Variants in SLCO1B3 observed in about 807,000 individuals in gnomAD.
SLCO1B3 encodes the protein liver-specific organic anion transporter 2.
SLCO1B3 carries 72 observed loss-of-function variants against 71.8 expected under a neutral mutation model. That is an observed-to-expected ratio of 1.00 (90% CI 0.83 to 1.22). The LOEUF (loss-of-function observed/expected upper bound fraction) is 1.22. Among genes scored for constraint, SLCO1B3 ranks in the 50% most tolerant of loss-of-function variants. The pLI, the probability that SLCO1B3 is intolerant of heterozygous loss-of-function variation, is 0.00. For missense variants in SLCO1B3, 911 were observed against 819.7 expected (o/e 1.11, Z -1.36); for synonymous variants, 298 against 278.4 (o/e 1.07, Z -0.70).
At chr12:20,851,084 A>C (rs1865019294) in intron 3 of SLCO1B3, among the ~76,000 whole-genome samples, 1 of 152,136 alleles carries the variant, frequency 6.6e-6, no homozygotes, top group African/African-American at 2.4e-5. Flanking sequence ...TGAACATTTT[A>C]GTTGCTTCTA....
At chr12:20,827,286 T>C (rs1219675066) in intron 3 of SLCO1B3, among the ~76,000 whole-genome samples, 1 of 152,234 alleles carries the variant, frequency 6.6e-6, no homozygotes, top group African/African-American at 2.4e-5. Flanking sequence ...TTTCTAATTT[T>C]ATTTTACCAG....
intron 8 of SLCO1B3, among the ~76,000 whole-genome samples, chr12:20,868,548 T>C (rs188754958): frequency 4.2e-4 from 64 of 152,332 alleles, no homozygotes; most frequent in African/African-American, 1.5e-3. Context: ...GTTTGACTCT[T>C]TTGTATGCCT....
intron 8 of SLCO1B3, among the ~76,000 whole-genome samples, chr12:20,873,768 C>T (rs796094549): frequency 1.7e-4 from 26 of 152,222 alleles, no homozygotes; most frequent in African/African-American, 5.5e-4. Context: ...CCTCCTTCTG[C>T]CCCCATGACA....
intron 3 of SLCO1B3, among the ~76,000 whole-genome samples, chr12:20,820,941 T>G (rs879101382): frequency 2.0e-5 from 3 of 152,028 alleles, no homozygotes; most frequent in Admixed American, 1.3e-4. Context: ...GGGGTAGTCA[T>G]GGAACAAAAC....
chr12:20,871,306 C>A (rs957497182), intron 8 of SLCO1B3, among the ~76,000 whole-genome samples: 2 of 152,002 alleles, frequency 1.3e-5, no homozygotes, highest in Non-Finnish European at 2.9e-5. Flanking sequence ...TTCTGAATTC[C>A]TTCTCTGTGT....
rs375375061 is a variant in SLCO1B3, at chr12:20,862,062, G to A, written c.482-350G>A. ...ATATAGAAGAACTCTTGACAACATG[G>A]GGAAATTGTGACAATATAGTGATAA... On this transcript the variant is annotated intron_variant, in intron 6 of 15. Transcript: ENST00000381545. Among the ~76,000 whole-genome samples the A allele has an allele frequency of 8.2e-4, 124 of 152,134 alleles. 2 individuals carry two copies. The South Asian group carries it at 0.025, about 30-fold the overall frequency.
chr12:20,904,110 G>A (rs1046475813), intron 15 of SLCO1B3, among the ~76,000 whole-genome samples: 1 of 151,720 alleles, frequency 6.6e-6, no homozygotes, highest in African/African-American at 2.4e-5. Flanking sequence ...CATTGTAGTG[G>A]GTGCCTGTAG....
chr12:20,896,751 C>T (rs2417889), intron 13 of SLCO1B3, among the ~76,000 whole-genome samples: 20,943 of 152,094 alleles, frequency 0.14, 1,540 homozygotes, highest in Middle Eastern at 0.23. Context: ...CCCACTCTAC[C>T]GGTACCAATT....
At chr12:20,849,866 A>G (rs1014017925) in intron 3 of SLCO1B3, among the ~76,000 whole-genome samples, 12 of 152,084 alleles carry the variant, frequency 7.9e-5, no homozygotes, top group African/African-American at 2.9e-4. Flanking sequence ...AGGTTAAAAA[A>G]AATCACACAC....
At chr12:20,836,568 A>C (rs1565583325) in intron 3 of SLCO1B3, among the ~76,000 whole-genome samples, 1 of 152,216 alleles carries the variant, frequency 6.6e-6, no homozygotes, top group Non-Finnish European at 1.5e-5. Context: ...GTATACAATT[A>C]GTATAACATG....
chr12:20,814,661 C>T (rs976784896), intron 2 of SLCO1B3, among the ~76,000 whole-genome samples: 63 of 152,088 alleles, frequency 4.1e-4, no homozygotes, highest in African/African-American at 1.4e-3. Context: ...GAGGCCGAGG[C>T]GGGCGGATCA....
chr12:20,892,989 C>T (rs1865933242), intron 13 of SLCO1B3, among the ~76,000 whole-genome samples: 2 of 152,000 alleles, frequency 1.3e-5, no homozygotes, highest in African/African-American at 4.8e-5. Flanking sequence ...AGAATATATG[C>T]AGATGAGCAA....
At position 20,810,756 on chromosome 12, in the gene SLCO1B3, A is replaced by G. The variant is rs537042163; in HGVS notation, c.-189A>G. ...ACTTGTTGCAGTTGCTGTAGCATTC[A>G]AAGTCAAGGTAAGAACCGTCGAGGT... On this transcript the variant is annotated 5_prime_UTR_variant, in exon 1 of 16. Coordinates refer to ENST00000381545, the MANE Select transcript of SLCO1B3 (RefSeq NM_019844.4). The G allele has an allele frequency of 1.3e-5, 2 of 152,344 alleles. No homozygotes were observed. The highest frequency in any genetic ancestry group is 4.8e-5 in the African/African-American group (2 of 41,584). 9.4% of individuals were successfully genotyped at this position (152,344 alleles called of 1,614,324 possible). A position where few individuals can be genotyped will look rare whatever the true frequency, so the allele number is the denominator to read the frequency against.
At chr12:20,903,282 A>G (rs980413112) in intron 15 of SLCO1B3, among the ~76,000 whole-genome samples, 1 of 152,134 alleles carries the variant, frequency 6.6e-6, no homozygotes, top group Admixed American at 6.5e-5. Flanking sequence ...CATGTCCACA[A>G]AAAAACCTGT....
intron 3 of SLCO1B3, among the ~76,000 whole-genome samples, chr12:20,820,286 G>A (rs551759552): frequency 7.2e-5 from 11 of 152,120 alleles, no homozygotes; most frequent in Non-Finnish European, 1.5e-4. Context: ...CAGCCGCTAC[G>A]CCAAGAAGGA....
intron 3 of SLCO1B3, among the ~76,000 whole-genome samples, chr12:20,851,452 A>G (rs1199599286): frequency 6.6e-6 from 1 of 152,128 alleles, no homozygotes; most frequent in Non-Finnish European, 1.5e-5. Flanking sequence ...TTTATTGGCC[A>G]TTTATACATC....
intron 3 of SLCO1B3, among the ~76,000 whole-genome samples, chr12:20,841,447 G>A (rs1290277731): frequency 6.6e-5 from 10 of 152,028 alleles, no homozygotes; most frequent in Admixed American, 1.3e-4. Context: ...TTTAAAATAA[G>A]ATTTGCCCCA....
At chr12:20,899,458 C>T (rs975269800) in intron 14 of SLCO1B3, among the ~76,000 whole-genome samples, 2 of 152,108 alleles carry the variant, frequency 1.3e-5, no homozygotes, top group African/African-American at 4.8e-5. Context: ...AAGTATAACT[C>T]TATGGCCAAA....
At chr12:20,851,992 C>G (rs1865033917) in intron 3 of SLCO1B3, among the ~76,000 whole-genome samples, 1 of 152,150 alleles carries the variant, frequency 6.6e-6, no homozygotes, top group East Asian at 1.9e-4. Flanking sequence ...TTTCTGAACT[C>G]TATTCTATTC....
Sources: gnomAD v4.1 joint callset for allele counts (sites outside exome capture counted in the v4.1 genomes callset) on GRCh38, gnomAD v4.1.1 for gene constraint, MANE v1.5 for transcripts, NCBI Gene and HGNC (gene_info 2026-07-23, HGNC 2026-07-21) for gene names.